The following ELAVL2 variants were observed in gnomAD, a reference collection of about 807,000 sequenced individuals.
The protein encoded by ELAVL2 is ELAV like RNA binding protein 2.
In ELAVL2, 4 loss-of-function variants were observed where a neutral mutation model predicts 34.6. The ratio of observed to expected loss-of-function variants is 0.12; its 90% CI spans 0.06 to 0.26. ELAVL2 has a LOEUF of 0.26. Among genes scored for constraint, ELAVL2 ranks in the 10% least tolerant of loss-of-function variants. ELAVL2 has a pLI of 1.00. For synonymous variants in ELAVL2, 193 were observed against 154.8 expected, an observed-to-expected ratio of 1.25 and a Z score of -1.83; for missense variants, 432 against 442.8, an observed-to-expected ratio of 0.98 and a Z score of 0.22.
intron 1 of ELAVL2, among the ~76,000 whole-genome samples, chr9:23,800,297 A>C (rs2061429347): frequency 6.6e-6 from 1 of 152,194 alleles, no homozygotes; most frequent in South Asian, 2.1e-4. Flanking sequence ...AAAACAGTAG[A>C]GTTCCTATTC....
intron 4 of ELAVL2, 50 bp downstream of exon 4, chr9:23,704,866 AAT>A: frequency 6.3e-7 from 1 of 1,598,980 alleles, no homozygotes; most frequent in Non-Finnish European, 8.5e-7. Context: ...AATATTTCAC[AAT>A]CTGCTAGTCA....
chr9:23,725,499 T>G (rs1224532537), intron 3 of ELAVL2, among the ~76,000 whole-genome samples: 2 of 152,168 alleles, frequency 1.3e-5, no homozygotes, highest in Non-Finnish European at 1.5e-5. Context: ...TAGCGTAGCT[T>G]TACTTACATT....
rs971982608 is a variant in ELAVL2, at chr9:23,719,318, A to G, written c.333+11704T>C. ...ATCCCCTTTGCCACTTGGCAGATAAATGTTCTTTAATACTCCAAAGAACAA... is the reference window on the plus strand; with the variant it reads ...ATCCCCTTTGCCACTTGGCAGATAAGTGTTCTTTAATACTCCAAAGAACAA... On this transcript the variant is annotated intron_variant, in intron 3 of 6. Coordinates refer to ENST00000397312, the MANE Select transcript of ELAVL2 (RefSeq NM_004432.5). Among the ~76,000 whole-genome samples the G allele has an allele frequency of 2.0e-5, 3 of 152,126 alleles. No homozygotes were observed. The South Asian group carries it at 6.2e-4, about 32-fold the overall frequency.
At position 23,785,212 on chromosome 9, in the gene ELAVL2, G is replaced by A. The variant is rs186427582; in HGVS notation, c.-15-22963C>T. Among the ~76,000 whole-genome samples the A allele has an allele frequency of 1.2e-3, 187 of 152,196 alleles. 3 individuals carry two copies. The Middle Eastern group carries it at 0.044, about 36-fold the overall frequency. ...CACAATGAGGGTTGAGGCAGTAGAG[G>A]GAGCCACTCCCAGAGTTCACAGCAG... On this transcript the variant is annotated intron_variant, in intron 1 of 6. Coordinates refer to ENST00000397312, the MANE Select transcript of ELAVL2 (RefSeq NM_004432.5).
chr9:23,736,869 A>G (rs904941652), intron 2 of ELAVL2, among the ~76,000 whole-genome samples: 3 of 151,982 alleles, frequency 2.0e-5, no homozygotes, highest in African/African-American at 7.3e-5. Context: ...GCTCACTTCT[A>G]CTTTCGCTCA....
chr9:23,702,333 G>C (rs1307380723), intron 4 of ELAVL2, among the ~76,000 whole-genome samples: 2 of 152,070 alleles, frequency 1.3e-5, no homozygotes, highest in East Asian at 3.9e-4. Context: ...GACCTCAGCA[G>C]CATCACTCCT....
chr9:23,781,900 G>A (rs1032255410), intron 1 of ELAVL2, among the ~76,000 whole-genome samples: 5 of 152,070 alleles, frequency 3.3e-5, no homozygotes, highest in African/African-American at 9.7e-5. Flanking sequence ...TAGTCAGGAT[G>A]GTCTCGATCT....
chr9:23,798,380 GC>G (rs2061208237), intron 1 of ELAVL2, among the ~76,000 whole-genome samples: 1 of 152,034 alleles, frequency 6.6e-6, no homozygotes, highest in African/African-American at 2.4e-5. Flanking sequence ...GTCATTTACT[GC>G]ATCTTTGGGC....
At chr9:23,828,867 C>T (rs1035804712), upstream of ELAVL2, among the ~76,000 whole-genome samples, 10 of 152,136 alleles carry the variant, frequency 6.6e-5, no homozygotes, top group Middle Eastern at 3.2e-3. Flanking sequence ...ATTACAGCCT[C>T]TTTAAAACAA....
At chr9:23,822,934 G>C (rs554489488) in intron 1 of ELAVL2, among the ~76,000 whole-genome samples, 2 of 152,310 alleles carry the variant, frequency 1.3e-5, no homozygotes, top group South Asian at 2.1e-4. Context: ...AGCGGGGTTG[G>C]GGGGAAGGGA....
chr9:23,712,516 G>A lies in ELAVL2; in HGVS notation c.334-7445C>T, dbSNP rs551445136. ...CTAGTAATGCCTGAGAATTATTTAG[G>A]AGATGTTGGAGAAAAAAATCTAATT... On this transcript the variant is annotated intron_variant, in intron 3 of 6. Transcript: ENST00000397312. Among the ~76,000 whole-genome samples, 17 of 152,234 alleles carry A rather than the reference G, an allele frequency of 1.1e-4. No homozygotes were observed. The South Asian group carries it at 3.1e-3, about 28-fold the overall frequency.
At chr9:23,694,417 C>T (rs1420553629) in intron 5 of ELAVL2, among the ~76,000 whole-genome samples, 8 of 152,206 alleles carry the variant, frequency 5.3e-5, no homozygotes, top group Non-Finnish European at 2.9e-5. Flanking sequence ...CAAATTTCCA[C>T]AGTGCTTACC....
At chr9:23,834,773 C>G in the ELAVL2 span, among the ~76,000 whole-genome samples, 2 of 152,160 alleles carry the variant, frequency 1.3e-5, no homozygotes, top group Admixed American at 1.3e-4. Context: ...AATCATCTAT[C>G]TGCCCTGTTA....
rs112245221 is a variant in ELAVL2 at position 23,819,920 on chromosome 9, T to G, written c.-16+5886A>C. ...CCGTAAGTATATCCTCCCCACAACC[T>G]TAAGTGTTGTTACCTTAGCATCCCT... On this transcript the variant is annotated intron_variant, in intron 1 of 6. Coordinates refer to ENST00000397312, the MANE Select transcript of ELAVL2 (RefSeq NM_004432.5). Among the ~76,000 whole-genome samples the G allele has an allele frequency of 9.7e-3, 1,482 of 152,292 alleles. 16 individuals are homozygous for G. Among genetic ancestry groups the G allele is most frequent in the Non-Finnish European group, 0.016 (1,084 of 68,026 alleles).
intron 2 of ELAVL2, among the ~76,000 whole-genome samples, chr9:23,746,802 T>C (rs2050603859): frequency 6.7e-6 from 1 of 149,154 alleles, no homozygotes; most frequent in African/African-American, 2.5e-5. Context: ...TAGAAGTCTT[T>C]CCATGTAAAC....
At position 23,709,248 on chromosome 9, in the gene ELAVL2, C is replaced by T. The variant is rs531888417; in HGVS notation, c.334-4177G>A. ...AGGATATCGCTGTCATCAAAATCCT[C>T]CCTTCCTGGAAAACATTTCTTCTTT... On this transcript the variant is annotated intron_variant, in intron 3 of 6. Transcript: ENST00000397312. 5.9e-4 allele frequency among the ~76,000 whole-genome samples: 90 copies of T among 152,224 alleles called. 1 individual carries two copies. The highest frequency in any genetic ancestry group is 9.1e-4 in the Non-Finnish European group (62 of 68,022).
chr9:23,743,904 T>C (rs1281664570), intron 2 of ELAVL2, among the ~76,000 whole-genome samples: 2 of 152,156 alleles, frequency 1.3e-5, no homozygotes, highest in Non-Finnish European at 2.9e-5. Context: ...TGGCACCAGA[T>C]TAAACAATAT....
At chr9:23,695,950 A>T (rs2035027133) in intron 5 of ELAVL2, among the ~76,000 whole-genome samples, 1 of 152,176 alleles carries the variant, frequency 6.6e-6, no homozygotes, top group South Asian at 2.1e-4. Flanking sequence ...ATCCCCAGAC[A>T]GGAGGTTTCG....
At chr9:23,738,821 C>T (rs922570300) in intron 2 of ELAVL2, among the ~76,000 whole-genome samples, 1 of 152,160 alleles carries the variant, frequency 6.6e-6, no homozygotes, top group Admixed American at 6.5e-5. Context: ...ATGTCCTCAG[C>T]ACCAGGGCAT....
Sources: gnomAD v4.1 joint callset for allele counts (sites outside exome capture counted in the v4.1 genomes callset) on GRCh38, gnomAD v4.1.1 for gene constraint, MANE v1.5 for transcripts, NCBI Gene and HGNC (gene_info 2026-07-23, HGNC 2026-07-21) for gene names.